Variants in NFIB observed in about 807,000 individuals in gnomAD.
NFIB encodes the protein nuclear factor 1 B-type.
In NFIB, 11 loss-of-function variants were observed where a neutral mutation model predicts 61.5. The observed-to-expected ratio is 0.18, with a 90% CI of 0.11 to 0.30. The LOEUF is 0.30. Ranked by LOEUF, NFIB falls within the 10% of genes least tolerant of loss-of-function variation. The pLI is 1.00. For missense variants in NFIB, 471 were observed against 608.9 expected (o/e 0.77, Z 2.38); for synonymous variants, 260 against 216.5 (o/e 1.20, Z -1.76).
At chr9:14,123,150 G>C (rs1045857358) in intron 7 of NFIB, among the ~76,000 whole-genome samples, 1 of 151,442 alleles carries the variant, frequency 6.6e-6, no homozygotes, top group Non-Finnish European at 1.5e-5. Context: ...CCAGTTACTC[G>C]GGAGGCTGAG....
At chr9:14,202,102 T>C (rs2049100318) in intron 2 of NFIB, among the ~76,000 whole-genome samples, 2 of 151,064 alleles carry the variant, frequency 1.3e-5, no homozygotes, top group African/African-American at 4.9e-5. Context: ...GTAATCATTA[T>C]ATTTTGAAGA....
chr9:14,443,126 T>C, the NFIB span, among the ~76,000 whole-genome samples: 2 of 149,326 alleles, frequency 1.3e-5, no homozygotes, highest in African/African-American at 4.9e-5. Context: ...CACAGAGCTT[T>C]GGGAAAGGAA....
Position 14,313,968 on chromosome 9 carries a change from G to T in NFIB, c.-457C>A. On this transcript the variant is annotated 5_prime_UTR_variant, in exon 1 of 11. Transcript: ENST00000380953. This position sits in a 1 kb window ranked among gnomAD's most constrained non-coding sequence, Gnocchi z 4.5. The stretch of plus-strand genomic sequence containing the variant: ...GGCGGGGAGGGGGGCGCGGGAGGGC[G>T]CAGGAGGGCGAGCGGGCGGGCGGGA... The T allele has an allele frequency of 1.0e-6, 1 of 989,494 alleles. No homozygotes were observed. The highest frequency in any genetic ancestry group is 4.8e-4 in the Middle Eastern group (1 of 2,074). 61.3% of individuals were successfully genotyped at this position (989,494 alleles called of 1,614,324 possible).
rs892496190 is a variant in NFIB, at chr9:14,114,327, G to A, written c.1385-1246C>T. ...AATTCACCACACCTCACAGACAGCCGGAGATGAGCCTCACCCTTACAGAAG... is the reference window on the plus strand; with the variant it reads ...AATTCACCACACCTCACAGACAGCCAGAGATGAGCCTCACCCTTACAGAAG... On this transcript the variant is annotated intron_variant, in intron 9 of 10. Transcript: ENST00000380953. 7.2e-5 allele frequency among the ~76,000 whole-genome samples: 11 copies of A among 152,110 alleles called. No homozygotes were observed. In the East Asian group the frequency reaches 7.7e-4, roughly 11 times the overall value.
At chr9:14,322,678 G>C (rs1278450656) in intron 1 of NFIB, among the ~76,000 whole-genome samples, 1 of 152,116 alleles carries the variant, frequency 6.6e-6, no homozygotes, top group African/African-American at 2.4e-5. Flanking sequence ...GGAGCCGGGG[G>C]CGGGCGCGCC....
intron 1 of NFIB, among the ~76,000 whole-genome samples, chr9:14,392,052 T>C (rs1057049645): frequency 6.6e-6 from 1 of 152,092 alleles, no homozygotes; most frequent in Non-Finnish European, 1.5e-5. Flanking sequence ...CCCGGTATAA[T>C]CATGAGAGAA....
the NFIB span, among the ~76,000 whole-genome samples, chr9:14,408,926 T>G: frequency 6.6e-6 from 1 of 152,172 alleles, no homozygotes; most frequent in Non-Finnish European, 1.5e-5. Context: ...ACAGAGAAGT[T>G]AAATGATGTG....
intron 2 of NFIB, among the ~76,000 whole-genome samples, chr9:14,294,292 G>A (rs1272732015): frequency 6.6e-6 from 1 of 152,186 alleles, no homozygotes; most frequent in Non-Finnish European, 1.5e-5. Flanking sequence ...AAATGTTGAT[G>A]CTTTACCATC....
intron 2 of NFIB, among the ~76,000 whole-genome samples, chr9:14,207,480 C>A (rs1027486161): frequency 1.8e-4 from 28 of 152,180 alleles, no homozygotes; most frequent in African/African-American, 6.3e-4. Context: ...ACCAGAAAAC[C>A]CCTTTTGCCC....
chr9:14,195,529 G>A (rs1411256943), intron 2 of NFIB, among the ~76,000 whole-genome samples: 3 of 152,174 alleles, frequency 2.0e-5, no homozygotes, highest in South Asian at 2.1e-4. Context: ...CATATGAGAC[G>A]ACTTTTATTG....
the NFIB span, among the ~76,000 whole-genome samples, chr9:14,434,777 C>T: frequency 6.6e-6 from 1 of 152,186 alleles, no homozygotes; most frequent in Non-Finnish European, 1.5e-5. Flanking sequence ...GTAGTCTACA[C>T]AAGATATTCC....
At chr9:14,148,089 GA>G (rs1243864574) in intron 5 of NFIB, among the ~76,000 whole-genome samples, 2 of 152,028 alleles carry the variant, frequency 1.3e-5, no homozygotes, top group African/African-American at 4.8e-5. Flanking sequence ...AGACAATTAT[GA>G]AATTATGACT....
chr9:14,451,280 A>C, the NFIB span, among the ~76,000 whole-genome samples: 1 of 152,328 alleles, frequency 6.6e-6, no homozygotes, highest in South Asian at 2.1e-4. Flanking sequence ...GGTGTTCACC[A>C]GTTTATTCTT....
chr9:14,321,532 T>C (rs1223733788), intron 1 of NFIB, among the ~76,000 whole-genome samples: 2 of 152,174 alleles, frequency 1.3e-5, no homozygotes, highest in Admixed American at 1.3e-4. Flanking sequence ...GAGAAAAGAA[T>C]GCTTCAAGAG....
At chr9:14,239,828 G>A (rs930775113) in intron 2 of NFIB, among the ~76,000 whole-genome samples, 1 of 152,060 alleles carries the variant, frequency 6.6e-6, no homozygotes, top group Non-Finnish European at 1.5e-5. Context: ...AACAGTGAAA[G>A]ATACCCTCCA....
chr9:14,499,314 G>T, the NFIB span, among the ~76,000 whole-genome samples: 4 of 152,116 alleles, frequency 2.6e-5, no homozygotes, highest in African/African-American at 9.7e-5. Flanking sequence ...GCAGGAGAGA[G>T]GACCCAGCCC....
Position 14,134,195 on chromosome 9 carries a change from C to T in NFIB, c.926-8429G>A, listed in dbSNP as rs564911821. On this transcript the variant is annotated intron_variant, in intron 6 of 10. Transcript: ENST00000380953. ...AAATTGCTTATAGAGCCATGTGCTA[C>T]ATTGAAATTATTACGGCTTATAACA... 5.3e-4 allele frequency among the ~76,000 whole-genome samples: 80 copies of T among 152,258 alleles called. 1 individual carries two copies. Among genetic ancestry groups the T allele is most frequent in the Admixed American group, 1.6e-3 (24 of 15,296 alleles).
chr9:14,477,604 TG>T, the NFIB span, among the ~76,000 whole-genome samples: 1 of 152,194 alleles, frequency 6.6e-6, no homozygotes, highest in Admixed American at 6.5e-5. Context: ...GAAGTGAGGT[TG>T]GTGGCTGTTC....
chr9:14,323,180 G>C (rs1368627969), intron 1 of NFIB, among the ~76,000 whole-genome samples: 2 of 152,098 alleles, frequency 1.3e-5, no homozygotes, highest in Non-Finnish European at 2.9e-5. Context: ...GACTTATATT[G>C]ATAGGTAGTC....
Sources: gnomAD v4.1 joint callset for allele counts (sites outside exome capture counted in the v4.1 genomes callset) on GRCh38, gnomAD v4.1.1 for gene constraint, Gnocchi (gnomAD v3.1) non-coding constraint, MANE v1.5 for transcripts, NCBI Gene and HGNC (gene_info 2026-07-23, HGNC 2026-07-21) for gene names.